RELN: variants seen among roughly 807,000 people sequenced by gnomAD.
RELN encodes reelin.
Under a neutral mutation model 427.6 loss-of-function variants are expected in RELN, and 108 were observed. The observed-to-expected ratio is 0.25, with a 90% confidence interval of 0.22 to 0.30. The LOEUF is 0.30. Among genes scored for constraint, RELN ranks in the 10% least tolerant of loss-of-function variants. RELN has a pLI of 1.00. For synonymous variants in RELN, 1,524 were observed against 1,513.4 expected, an observed-to-expected ratio of 1.01 and a Z score of -0.16; for missense variants, 3,715 against 4,302.8, an observed-to-expected ratio of 0.86 and a Z score of 3.82.
intron 46 of RELN, among the ~76,000 whole-genome samples, chr7:103,533,818 G>A (rs1490458585): frequency 6.6e-6 from 1 of 152,144 alleles, no homozygotes; most frequent in African/African-American, 2.4e-5. Flanking sequence ...TTAGAATGTC[G>A]CTTATTTGCA....
In RELN at chr7:103,870,166, A is replaced by G. The variant is rs542563210; in HGVS notation, c.338-36494T>C. 1.5e-4 allele frequency among the ~76,000 whole-genome samples: 23 copies of G among 152,116 alleles called. No homozygotes were observed. In the South Asian group the frequency reaches 1.9e-3, roughly 12 times the overall value. On this transcript the variant is annotated intron_variant, in intron 2 of 64. Transcript: ENST00000428762. ...ATGCTTTTTTTTGTGCTTTGAACAT[A>G]TATTGCTTTAGTTCTTTGTACCTAT...
chr7:103,515,216 G>T lies in RELN; in HGVS notation c.8088C>A (p.Ala2696=), dbSNP rs1459262433. 2.5e-6 allele frequency: 4 copies of T among 1,614,192 alleles called. No individual in the cohort carries two copies. The highest frequency in any genetic ancestry group is 2.5e-6 in the Non-Finnish European group (3 of 1,180,042). The change falls in exon 50 of 65, where the codon GCC becomes GCA. Residue 2696 remains alanine (A), a synonymous_variant. Coordinates refer to ENST00000428762, the MANE Select transcript of RELN (RefSeq NM_005045.4). ...TTTTGTCTTCCATAAACATGTCAAA[G>T]GCGATCCTCCCGACAGGGCCGGCAT... is the stretch of plus-strand genomic sequence containing the variant. The part of the protein sequence containing the change: ...PADAGPVGRI[A]FDMFMEDKTS...
chr7:103,696,464 G>C (rs1166948486), intron 10 of RELN, among the ~76,000 whole-genome samples: 2 of 152,102 alleles, frequency 1.3e-5, no homozygotes, highest in African/African-American at 2.4e-5. Flanking sequence ...AATCAAAATT[G>C]ATATGTCCAA....
chr7:103,498,393 C>CTAT, intron 53 of RELN, 141 bp from the exon 54 acceptor site: 1 of 746,854 alleles, frequency 1.3e-6, no homozygotes. Flanking sequence ...TTAAAAAAGG[C>CTAT]TATTTCCACA....
Position 103,490,862 on chromosome 7 carries a change from T to C in RELN, c.9444-33A>G, listed in dbSNP as rs200268481. Reference sequence around the variant, plus strand: ...AACCAAAAGGCTTTGTTAGACAAATTGTAAGAGAAACATATAATCTGTTAA... The same window carrying C: ...AACCAAAAGGCTTTGTTAGACAAATCGTAAGAGAAACATATAATCTGTTAA... On this transcript the variant is annotated intron_variant, in intron 58 of 64. Coordinates refer to ENST00000428762, the MANE Select transcript of RELN (RefSeq NM_005045.4). The C allele has an allele frequency of 1.5e-5, 24 of 1,612,118 alleles. No homozygotes were observed. In the African/African-American group the frequency reaches 1.6e-4, roughly 11 times the overall value.
At chr7:103,671,150 C>T (rs3808020) in intron 11 of RELN, among the ~76,000 whole-genome samples, 35,513 of 151,904 alleles carry the variant, frequency 0.23, 5,072 homozygotes, top group South Asian at 0.38. Context: ...ATCTCTAGTA[C>T]GAGTCCTCTG....
intron 6 of RELN, among the ~76,000 whole-genome samples, chr7:103,740,224 G>A (rs681007): frequency 0.22 from 33,120 of 151,960 alleles, 4,733 homozygotes; most frequent in African/African-American, 0.41. Flanking sequence ...AAGAAATTAG[G>A]TTGGGTTATG....
intron 53 of RELN, 82 bp from the exon 54 acceptor site, chr7:103,498,334 C>A: frequency 7.9e-7 from 1 of 1,272,972 alleles, no homozygotes; most frequent in Non-Finnish European, 1.1e-6. Context: ...AGAGTGATGT[C>A]TTGGACTTAA....
At chr7:103,568,806 C>T (rs962637241) in intron 31 of RELN, among the ~76,000 whole-genome samples, 1 of 152,062 alleles carries the variant, frequency 6.6e-6, no homozygotes, top group Non-Finnish European at 1.5e-5. Context: ...TTTGAGGTGA[C>T]CTAATCAGAA....
At position 103,989,359 on chromosome 7, in the gene RELN, C is replaced by CGCCGCCGCCGCCGCT. The variant is rs1458816561; in HGVS notation, c.-4_-3insAGCGGCGGCGGCGGC. On this transcript the variant is annotated 5_prime_UTR_variant, in exon 1 of 65. Transcript: ENST00000428762. The surrounding 1 kb of genome is among the most constrained non-coding windows in gnomAD (Gnocchi z 4.9). ...CGGGCCCAGCCACTGCGCTCCATGCCGCCGCCGCCGCCGCCGCCGCCGCGC... is the reference window on the plus strand; with the variant it reads ...CGGGCCCAGCCACTGCGCTCCATGCCGCCGCCGCCGCCGCTGCCGCCGCCGCCGCCGCCGCCGCGC... The CGCCGCCGCCGCCGCT allele has an allele frequency of 7.9e-7, 1 of 1,260,518 alleles. No homozygotes were observed. The highest frequency in any genetic ancestry group is 1.0e-6 in the Non-Finnish European group (1 of 967,722). 78.1% of individuals were successfully genotyped at this position (1,260,518 alleles called of 1,614,324 possible). A position where few individuals can be genotyped will look rare whatever the true frequency, so the allele number is the denominator to read the frequency against.
intron 10 of RELN, among the ~76,000 whole-genome samples, chr7:103,691,937 C>T (rs189544582): frequency 3.9e-5 from 6 of 152,150 alleles, no homozygotes; most frequent in Admixed American, 1.3e-4. Context: ...GAGGTGGATA[C>T]TAGTATTATT....
chr7:103,695,852 A>G (rs1032753910), intron 10 of RELN, among the ~76,000 whole-genome samples: 1 of 152,148 alleles, frequency 6.6e-6, no homozygotes, highest in Non-Finnish European at 1.5e-5. Flanking sequence ...TACAAAAGAA[A>G]TCCATGGCTC....
chr7:103,798,254 G>A (rs1485905446), intron 3 of RELN, among the ~76,000 whole-genome samples: 2 of 152,160 alleles, frequency 1.3e-5, no homozygotes, highest in Non-Finnish European at 2.9e-5. Flanking sequence ...AAGGAGAAAG[G>A]TATTGTGATT....
At chr7:103,976,770 T>G (rs2116832334) in intron 1 of RELN, among the ~76,000 whole-genome samples, 1 of 152,242 alleles carries the variant, frequency 6.6e-6, no homozygotes, top group Admixed American at 6.5e-5. Flanking sequence ...ATGGTCAACC[T>G]CCTGGCCTGA....
rs151219205 is a variant in RELN at position 103,978,705 on chromosome 7, C to T, written c.226+10426G>A. ...TACAGATAGCTATCCCCTGGGTACTCATTAGTGATACCAATTCTGAACTCT... is the reference window on the plus strand; with the variant it reads ...TACAGATAGCTATCCCCTGGGTACTTATTAGTGATACCAATTCTGAACTCT... On this transcript the variant is annotated intron_variant, in intron 1 of 64. Coordinates refer to ENST00000428762, the MANE Select transcript of RELN (RefSeq NM_005045.4). Among the ~76,000 whole-genome samples, 923 of 152,338 alleles carry T rather than the reference C, an allele frequency of 6.1e-3. 3 individuals carry two copies. The highest frequency in any genetic ancestry group is 0.018 in the South Asian group (86 of 4,828).
chr7:103,649,857 C>A (rs953180481), intron 16 of RELN, among the ~76,000 whole-genome samples: 1 of 151,830 alleles, frequency 6.6e-6, no homozygotes, highest in African/African-American at 2.4e-5. Context: ...GTGTTGTCTG[C>A]ATGTAAAAGA....
intron 3 of RELN, among the ~76,000 whole-genome samples, chr7:103,805,244 A>C (rs1236852447): frequency 6.6e-6 from 1 of 152,160 alleles, no homozygotes; most frequent in Admixed American, 6.6e-5. Context: ...TGCTACTGTG[A>C]GTACCAAATA....
chr7:103,668,577 T>C (rs1225818317), intron 11 of RELN, among the ~76,000 whole-genome samples: 1 of 152,208 alleles, frequency 6.6e-6, no homozygotes, highest in Non-Finnish European at 1.5e-5. Flanking sequence ...GATGATTAGG[T>C]TGAACCATCC....
chr7:103,585,779 C>T (rs1831255828), intron 28 of RELN, among the ~76,000 whole-genome samples: 1 of 152,000 alleles, frequency 6.6e-6, no homozygotes, highest in Non-Finnish European at 1.5e-5. Flanking sequence ...GGCTAGTATC[C>T]CTGATGAACA....
Sources: allele counts gnomAD v4.1 joint callset (sites outside exome capture counted in the v4.1 genomes callset), GRCh38; gene constraint gnomAD v4.1.1; non-coding constraint Gnocchi (gnomAD v3.1); transcripts MANE v1.5; gene names NCBI Gene and HGNC (gene_info 2026-07-23, HGNC 2026-07-21).